EYS: variants seen among roughly 807,000 people sequenced by gnomAD.
The protein encoded by EYS is protein eyes shut homolog.
Under a neutral mutation model 282.1 loss-of-function variants are expected in EYS, and 250 were observed. The ratio of observed to expected loss-of-function variants is 0.89; its 90% CI spans 0.80 to 0.98. EYS has a LOEUF of 0.98. EYS is among the 50% of genes least tolerant of loss of function. The probability of loss-of-function intolerance (pLI) is 0.00; values close to 1 mark genes in which losing one functional copy is unlikely to be tolerated. For synonymous variants in EYS, 1,355 were observed against 1,282.9 expected, an observed-to-expected ratio of 1.06 and a Z score of -1.20; for missense variants, 4,016 against 3,709.0, an observed-to-expected ratio of 1.08 and a Z score of -2.15.
chr6:65,277,098 T>C (rs545860008), intron 12 of EYS, among the ~76,000 whole-genome samples: 3 of 152,044 alleles, frequency 2.0e-5, no homozygotes, highest in African/African-American at 4.8e-5. Flanking sequence ...CTATTAGACA[T>C]AAGAAGGTGG....
chr6:64,437,580 T>A (rs1280823329), intron 27 of EYS, among the ~76,000 whole-genome samples: 3 of 151,788 alleles, frequency 2.0e-5, no homozygotes, highest in Non-Finnish European at 4.4e-5. Flanking sequence ...ATCTACTCAC[T>A]TGTAAAATGG....
At chr6:64,145,554 C>T (rs894385752) in intron 31 of EYS, among the ~76,000 whole-genome samples, 1 of 152,124 alleles carries the variant, frequency 6.6e-6, no homozygotes, top group Admixed American at 6.5e-5. Flanking sequence ...ATCACAAGTG[C>T]CAAATGAATA....
intron 31 of EYS, among the ~76,000 whole-genome samples, chr6:64,107,644 A>T (rs1378317007): frequency 1.3e-5 from 2 of 152,014 alleles, no homozygotes; most frequent in Non-Finnish European, 2.9e-5. Flanking sequence ...CAGGATCAAT[A>T]CTTTGTATCC....
At chr6:65,547,171 C>G (rs1405493764) in intron 2 of EYS, among the ~76,000 whole-genome samples, 1 of 150,562 alleles carries the variant, frequency 6.6e-6, no homozygotes, top group Non-Finnish European at 1.5e-5. Flanking sequence ...TATGCATATT[C>G]TTATGCAAAA....
At chr6:64,390,163 A>T (rs978801970) in intron 28 of EYS, among the ~76,000 whole-genome samples, 1 of 152,076 alleles carries the variant, frequency 6.6e-6, no homozygotes, top group Non-Finnish European at 1.5e-5. Context: ...CAGCAGTCTG[A>T]GATCAAACTG....
chr6:64,750,678 C>T (rs1004065643), intron 22 of EYS, among the ~76,000 whole-genome samples: 9 of 152,080 alleles, frequency 5.9e-5, no homozygotes, highest in Non-Finnish European at 8.8e-5. Flanking sequence ...TTTTCTTCTA[C>T]GATGTTGGAT....
At chr6:63,868,469 C>A (rs1315376721) in intron 35 of EYS, among the ~76,000 whole-genome samples, 1 of 152,146 alleles carries the variant, frequency 6.6e-6, no homozygotes, top group Non-Finnish European at 1.5e-5. Context: ...ACTCTTCTTG[C>A]ACTCTTTGTA....
At chr6:65,411,989 T>A (rs1767037192) in intron 5 of EYS, among the ~76,000 whole-genome samples, 1 of 152,056 alleles carries the variant, frequency 6.6e-6, no homozygotes, top group Admixed American at 6.6e-5. Flanking sequence ...AACCTAATCC[T>A]CAATACAATA....
Position 65,490,578 on chromosome 6 carries a change from C to G in EYS, c.862+16G>C. The G allele has an allele frequency of 7.6e-7, 1 of 1,322,258 alleles. No individual in the cohort carries two copies. The allele number at this position is 1,322,258 out of a possible 1,614,324, so 81.9% of individuals were successfully genotyped here. On this transcript the variant is annotated intron_variant, in intron 5 of 42. Coordinates refer to ENST00000503581, the MANE Select transcript of EYS (RefSeq NM_001142800.2). ...AGTTACTTGTGTATATGGTTGTATACATATGCATTTTTTACCTGAAAATTG... is the reference window on the plus strand; with the variant it reads ...AGTTACTTGTGTATATGGTTGTATAGATATGCATTTTTTACCTGAAAATTG...
intron 2 of EYS, among the ~76,000 whole-genome samples, chr6:65,552,690 T>G (rs114253434): frequency 5.9e-5 from 9 of 152,252 alleles, no homozygotes; most frequent in Admixed American, 3.3e-4. Context: ...GATAAGATGT[T>G]TATGTGTCAT....
intron 19 of EYS, among the ~76,000 whole-genome samples, chr6:64,871,042 T>G (rs1451497967): frequency 2.6e-5 from 4 of 151,820 alleles, no homozygotes; most frequent in African/African-American, 9.7e-5. Flanking sequence ...TGGCTTAAAT[T>G]ATCTTACATT....
intron 1 of EYS, among the ~76,000 whole-genome samples, chr6:65,670,017 T>C (rs548054248): frequency 1.3e-5 from 2 of 151,654 alleles, no homozygotes; most frequent in East Asian, 3.9e-4. Flanking sequence ...CTCCTCCTCA[T>C]TGTTTTTGAA....
chr6:65,558,175 G>A (rs567713321), intron 2 of EYS, among the ~76,000 whole-genome samples: 99 of 152,262 alleles, frequency 6.5e-4, no homozygotes, highest in Non-Finnish European at 1.0e-3. Context: ...GCCATCCAGC[G>A]TGCCCAGGCT....
chr6:64,832,223 A>G (rs964643097), intron 19 of EYS, among the ~76,000 whole-genome samples: 2 of 151,988 alleles, frequency 1.3e-5, no homozygotes, highest in African/African-American at 4.8e-5. Flanking sequence ...TAATTTATCA[A>G]CTAACATTAA....
chr6:64,043,423 G>A (rs1458494790), intron 33 of EYS, among the ~76,000 whole-genome samples: 1 of 152,212 alleles, frequency 6.6e-6, no homozygotes, highest in Non-Finnish European at 1.5e-5. Flanking sequence ...CGTGTCACAC[G>A]CAGGTCATGA....
chr6:65,394,993 T>C (rs1469458446), intron 7 of EYS, among the ~76,000 whole-genome samples: 3 of 152,018 alleles, frequency 2.0e-5, no homozygotes, highest in African/African-American at 7.3e-5. Context: ...GAGCATCCCC[T>C]CTAATTCTTT....
At chr6:65,532,353 T>A (rs376580011) in intron 2 of EYS, among the ~76,000 whole-genome samples, 2 of 152,268 alleles carry the variant, frequency 1.3e-5, no homozygotes, top group East Asian at 3.9e-4. Context: ...TTTTCTTTGA[T>A]CCAAAATTGT....
At chr6:64,885,653 A>C (rs1767062798) in intron 19 of EYS, among the ~76,000 whole-genome samples, 1 of 151,796 alleles carries the variant, frequency 6.6e-6, no homozygotes, top group African/African-American at 2.4e-5. Flanking sequence ...TTTGCAGAAA[A>C]TGATACTTTT....
Position 64,912,489 on chromosome 6 carries a change from C to T in EYS, c.2636G>A (p.Arg879Lys). 1.9e-6 allele frequency: 3 copies of T among 1,550,912 alleles called. 1 individual carries two copies. Among genetic ancestry groups the T allele is most frequent in the South Asian group, 2.4e-5 (2 of 84,036 alleles). Reference protein sequence around the residue: ...LVDANQHCICREEFEGKNCEI... With the variant: ...LVDANQHCICKEEFEGKNCEI... The stretch of plus-strand genomic sequence containing the variant: ...AAATCCATATTAGCTCTTACCTTCT[C>T]TACAAATACAATGCTGATTTGCGTC... Residue 879 changes from arginine to lysine, a missense_variant, in exon 16 of 43, where the codon AGA becomes AAA. By Grantham distance (26) the Arg-to-Lys change is conservative. Coordinates refer to ENST00000503581, the MANE Select transcript of EYS (RefSeq NM_001142800.2).
Sources: gnomAD v4.1 joint callset for allele counts (sites outside exome capture counted in the v4.1 genomes callset) on GRCh38, gnomAD v4.1.1 for gene constraint, MANE v1.5 for transcripts, NCBI Gene and HGNC (gene_info 2026-07-23, HGNC 2026-07-21) for gene names.